MAP3K13: variants seen among roughly 807,000 people sequenced by gnomAD.
MAP3K13 encodes mitogen-activated protein kinase kinase kinase 13, also known as leucine zipper-bearing kinase.
MAP3K13 carries 52 observed loss-of-function variants against 104.0 expected under a neutral mutation model. That is an observed-to-expected ratio of 0.50 (90% CI 0.40 to 0.63). The LOEUF is 0.63. Ranked by LOEUF, MAP3K13 falls within the 20% of genes least tolerant of loss-of-function variation. MAP3K13 has a pLI of 0.00. For missense variants in MAP3K13, 914 were observed against 1,218.5 expected (o/e 0.75, Z 3.72); for synonymous variants, 394 against 442.2 (o/e 0.89, Z 1.37).
At chr3:185,379,959 G>A (rs571787854) in intron 1 of MAP3K13, among the ~76,000 whole-genome samples, 24 of 152,250 alleles carry the variant, frequency 1.6e-4, no homozygotes, top group African/African-American at 5.3e-4. Flanking sequence ...GCCGAGGCGG[G>A]TGGATCACCT....
chr3:185,338,304 T>C (rs1577439394), intron 2 of MAP3K13, among the ~76,000 whole-genome samples: 1 of 131,482 alleles, frequency 7.6e-6, no homozygotes, highest in Non-Finnish European at 1.5e-5. Flanking sequence ...CATTCCAGCC[T>C]GGGTGACAGA....
Position 185,385,629 on chromosome 3 carries a change from A to G in MAP3K13, c.-86+22261A>G, listed in dbSNP as rs567775995. Among the ~76,000 whole-genome samples, 23 of 152,348 alleles carry G rather than the reference A, an allele frequency of 1.5e-4. 1 individual carries two copies. In the South Asian group the frequency reaches 1.7e-3, roughly 11 times the overall value. On this transcript the variant is annotated intron_variant, in intron 1 of 13. Transcript: ENST00000265026. ...AAGAACACAACAAAAAAAGAAAACT[A>G]CAAGCCAGTATCTCTGATGAACATA...
intron 2 of MAP3K13, among the ~76,000 whole-genome samples, chr3:185,339,606 A>C (rs1010543306): frequency 6.6e-6 from 1 of 152,252 alleles, no homozygotes; most frequent in Non-Finnish European, 1.5e-5. Flanking sequence ...AAAGGGCCAC[A>C]TATAAATATC....
chr3:185,348,800 C>G (rs1249966464), intron 2 of MAP3K13, among the ~76,000 whole-genome samples: 3 of 152,116 alleles, frequency 2.0e-5, no homozygotes, highest in Non-Finnish European at 4.4e-5. Flanking sequence ...GCCTGTAGTC[C>G]CAGCTACTCA....
At chr3:185,327,867 G>A (rs368483294) in intron 2 of MAP3K13, among the ~76,000 whole-genome samples, 4 of 151,384 alleles carry the variant, frequency 2.6e-5, no homozygotes, top group African/African-American at 7.3e-5. Flanking sequence ...AGCCAAGATC[G>A]TGCCACTGCA....
At chr3:185,295,197 T>TTTG (rs570972864) in intron 2 of MAP3K13, among the ~76,000 whole-genome samples, 34 of 152,002 alleles carry the variant, frequency 2.2e-4, no homozygotes, top group East Asian at 7.7e-4. Context: ...TGTTGTTGTT[T>TTTG]TTGTTGTTGT....
chr3:185,453,196 G>A (rs1715989431), intron 7 of MAP3K13, among the ~76,000 whole-genome samples: 1 of 152,124 alleles, frequency 6.6e-6, no homozygotes, highest in Non-Finnish European at 1.5e-5. Context: ...TGATGATCCT[G>A]AATTATAGCT....
At chr3:185,312,315 A>T (rs7631503) in intron 2 of MAP3K13, among the ~76,000 whole-genome samples, 1 of 152,162 alleles carries the variant, frequency 6.6e-6, no homozygotes, top group Non-Finnish European at 1.5e-5. Context: ...AGAAGCTCGG[A>T]TATCAGTTCC....
intron 10 of MAP3K13, among the ~76,000 whole-genome samples, chr3:185,468,102 C>T (rs772719119): frequency 4.6e-5 from 7 of 152,142 alleles, no homozygotes; most frequent in Non-Finnish European, 7.4e-5. Flanking sequence ...AAACTGCCCC[C>T]ATGATCCAAT....
At chr3:185,401,030 A>G (rs1333972533) in intron 1 of MAP3K13, among the ~76,000 whole-genome samples, 4 of 151,796 alleles carry the variant, frequency 2.6e-5, no homozygotes, top group African/African-American at 9.7e-5. Context: ...ATCATGGGCC[A>G]CTAGGGCACC....
chr3:185,480,034 T>G lies in MAP3K13; in HGVS notation c.2502-198T>G, dbSNP rs184447982. Reference sequence around the variant, plus strand: ...TCGCACTGGTATTAGGGCCTCAACATGGAATTTCATGGGGGATAAAATTCA... The same window carrying G: ...TCGCACTGGTATTAGGGCCTCAACAGGGAATTTCATGGGGGATAAAATTCA... On this transcript the variant is annotated intron_variant, in intron 12 of 13. Transcript: ENST00000265026. The G allele has an allele frequency of 5.4e-5, 33 of 612,244 alleles. No homozygotes were observed. The East Asian group carries it at 8.9e-4, about 17-fold the overall frequency. The allele number at this position is 612,244 out of a possible 1,614,324, so 37.9% of individuals were successfully genotyped here.
intron 2 of MAP3K13, among the ~76,000 whole-genome samples, chr3:185,320,520 C>A (rs1346667988): frequency 1.3e-5 from 2 of 152,180 alleles, no homozygotes; most frequent in African/African-American, 4.8e-5. Context: ...ATAATAATTT[C>A]TCCATTCAAA....
intron 2 of MAP3K13, among the ~76,000 whole-genome samples, chr3:185,351,168 A>G (rs1418593329): frequency 6.6e-6 from 1 of 152,186 alleles, no homozygotes; most frequent in Non-Finnish European, 1.5e-5. Flanking sequence ...TTGAGTACAC[A>G]TGGACAATAG....
intron 1 of MAP3K13, among the ~76,000 whole-genome samples, chr3:185,389,697 C>T (rs1367067861): frequency 6.7e-6 from 1 of 148,620 alleles, no homozygotes; most frequent in Non-Finnish European, 1.5e-5. Flanking sequence ...GTTTCAGGAC[C>T]GATAAAAAAA....
chr3:185,322,818 C>T (rs1212383489), intron 2 of MAP3K13, among the ~76,000 whole-genome samples: 1 of 152,188 alleles, frequency 6.6e-6, no homozygotes, highest in Non-Finnish European at 1.5e-5. Flanking sequence ...GTTCTGATCT[C>T]TCTTTGATAT....
In MAP3K13 at chr3:185,418,303, T is replaced by G. The variant is rs546502617; in HGVS notation, c.-85-10194T>G. 1.3e-6 allele frequency: 2 copies of G among 1,582,078 alleles called. No individual in the cohort carries two copies. Among genetic ancestry groups the G allele is most frequent in the Non-Finnish European group, 1.7e-6 (2 of 1,152,690 alleles). On this transcript the variant is annotated intron_variant, in intron 1 of 13. Transcript: ENST00000265026. This position sits in a 1 kb window ranked among gnomAD's most constrained non-coding sequence, Gnocchi z 4.5. ...AGCTTCCTTGGTCTTCTTGTAGCCT[T>G]CAACTTTATCTTCAAATACCAAAGG...
At chr3:185,448,318 C>A (rs1398159365) in intron 5 of MAP3K13, among the ~76,000 whole-genome samples, 1 of 152,188 alleles carries the variant, frequency 6.6e-6, no homozygotes, top group Non-Finnish European at 1.5e-5. Flanking sequence ...CTCAATGACT[C>A]AGGTCATCAT....
chr3:185,295,923 T>G lies in MAP3K13; in HGVS notation c.-86+10280T>G, dbSNP rs1720904616. ...TTAGATATTTCAGTACTGTAAGTTCTGGGTTGTTTAACTTCCTCTGTTCAA... is the reference window on the plus strand; with the variant it reads ...TTAGATATTTCAGTACTGTAAGTTCGGGGTTGTTTAACTTCCTCTGTTCAA... On this transcript the variant is annotated intron_variant, in intron 2 of 14. Transcript: ENST00000424227. Among the ~76,000 whole-genome samples the G allele has an allele frequency of 2.0e-5, 3 of 152,190 alleles. 1 individual carries two copies. The South Asian group carries it at 6.2e-4, about 32-fold the overall frequency.
intron 2 of MAP3K13, among the ~76,000 whole-genome samples, chr3:185,294,623 A>G (rs528646542): frequency 6.6e-6 from 1 of 152,304 alleles, no homozygotes; most frequent in East Asian, 1.9e-4. Context: ...GTATAAATCG[A>G]GGCTGTTATG....
Sources: gnomAD v4.1 joint callset for allele counts (sites outside exome capture counted in the v4.1 genomes callset) on GRCh38, gnomAD v4.1.1 for gene constraint, Gnocchi (gnomAD v3.1) non-coding constraint, MANE v1.5 for transcripts, NCBI Gene and HGNC (gene_info 2026-07-23, HGNC 2026-07-21) for gene names.